Variants in SORT1 observed in about 807,000 individuals in gnomAD.
The protein encoded by SORT1 is sortilin 1.
A neutral mutation model predicts 101.7 loss-of-function variants in SORT1; 39 were observed. The ratio of observed to expected loss-of-function variants is 0.38; its 90% CI spans 0.30 to 0.50. The LOEUF is 0.50. SORT1 is among the 20% of genes least tolerant of loss of function. SORT1 has a pLI of 0.90. For missense variants in SORT1, 878 were observed against 1,040.4 expected (o/e 0.84, Z 2.15); for synonymous variants, 396 against 393.7 (o/e 1.01, Z -0.07).
chr1:109,321,562 G>A (rs946379279), intron 15 of SORT1, among the ~76,000 whole-genome samples: 1 of 152,142 alleles, frequency 6.6e-6, no homozygotes, highest in South Asian at 2.1e-4. Context: ...AACAGAGAAG[G>A]GAGGACCCTT....
chr1:109,345,820 A>G lies in SORT1; in HGVS notation c.894T>C (p.Thr298=). Residue 298 remains threonine, a synonymous_variant, in exon 8 of 20, where the codon ACT becomes ACC. Coordinates refer to ENST00000256637, the MANE Select transcript of SORT1 (RefSeq NM_002959.7). The part of the protein sequence containing the change: ...RTSDLGKSFK[T]IGVKIYSFGL... ...CAAATGAGTAGATTTTCACACCAAT[A>G]GTTTTGAAGCTTTTTCCCAAGTCTG... The G allele has an allele frequency of 6.2e-7, 1 of 1,613,662 alleles. No individual in the cohort carries two copies. The highest frequency in any genetic ancestry group is 1.3e-5 in the African/African-American group (1 of 75,034).
intron 1 of SORT1, among the ~76,000 whole-genome samples, chr1:109,390,073 A>G (rs1652807414): frequency 6.6e-6 from 1 of 152,214 alleles, no homozygotes; most frequent in South Asian, 2.1e-4. Context: ...ACCCTAAAAT[A>G]AAGTTTCTGT....
chr1:109,337,003 T>C (rs1188278489), intron 10 of SORT1, among the ~76,000 whole-genome samples: 1 of 152,128 alleles, frequency 6.6e-6, no homozygotes, highest in African/African-American at 2.4e-5. Context: ...CAGGAAGGCA[T>C]CCTAATCTTT....
intron 18 of SORT1, 95 bp from the exon 19 acceptor site, chr1:109,314,479 C>A: frequency 4.9e-6 from 7 of 1,427,518 alleles, no homozygotes. Context: ...CACTCAGGAA[C>A]GCATCACAGA....
intron 3 of SORT1, among the ~76,000 whole-genome samples, chr1:109,357,215 A>G (rs1020425155): frequency 3.9e-5 from 6 of 152,214 alleles, no homozygotes; most frequent in Non-Finnish European, 7.3e-5. Flanking sequence ...TGTGGTGTGT[A>G]GCAGGCTATA....
chr1:109,348,208 A>G (rs1278926398), intron 6 of SORT1, among the ~76,000 whole-genome samples: 1 of 152,132 alleles, frequency 6.6e-6, no homozygotes, highest in Non-Finnish European at 1.5e-5. Context: ...TTAAAATGTA[A>G]CCTGGAAAGG....
At chr1:109,390,168 C>G (rs548694174) in intron 1 of SORT1, among the ~76,000 whole-genome samples, 1 of 152,222 alleles carries the variant, frequency 6.6e-6, no homozygotes, top group Non-Finnish European at 1.5e-5. Flanking sequence ...CACTTTGATT[C>G]TCTCTTCAGC....
chr1:109,367,822 C>T (rs992380529), intron 2 of SORT1, among the ~76,000 whole-genome samples: 1 of 152,206 alleles, frequency 6.6e-6, no homozygotes, highest in Non-Finnish European at 1.5e-5. Flanking sequence ...TCTAGAATAG[C>T]GTGGGTGTTC....
chr1:109,397,873 G>A lies in SORT1; in HGVS notation c.20C>T (p.Ala7Val). The change falls in exon 1 of 20, where the codon GCT (alanine) becomes GTT (valine). Residue 7 changes from alanine to valine, a missense_variant. Around this residue, in one of 2 missense-constraint regions of SORT1, gnomAD observed 194 missense variants for 145.9 expected, o/e 1.33. Coordinates refer to ENST00000256637, the MANE Select transcript of SORT1 (RefSeq NM_002959.7). Reference protein sequence around the residue: MERPWGAADGLSRWPHG... With the variant: MERPWGVADGLSRWPHG... Reference sequence around the variant, plus strand: ...GGGCCAGCGCGAGAGGCCGTCCGCAGCTCCCCAGGGCCGCTCCATCGCCGC... The same window carrying A: ...GGGCCAGCGCGAGAGGCCGTCCGCAACTCCCCAGGGCCGCTCCATCGCCGC... The A allele has an allele frequency of 8.3e-7, 1 of 1,211,570 alleles. No homozygotes were observed. Among genetic ancestry groups the A allele is most frequent in the Non-Finnish European group, 1.0e-6 (1 of 970,758 alleles). 75.1% of individuals were successfully genotyped at this position (1,211,570 alleles called of 1,614,324 possible). A position where few individuals can be genotyped will look rare whatever the true frequency, so the allele number is the denominator to read the frequency against.
At chr1:109,330,424 A>T (rs200579779) in intron 11 of SORT1, among the ~76,000 whole-genome samples, 2 of 151,960 alleles carry the variant, frequency 1.3e-5, no homozygotes, top group South Asian at 2.1e-4. Flanking sequence ...AATAAAAAAA[A>T]CTTGAGACAA....
chr1:109,353,080 C>CT (rs1389493216), intron 5 of SORT1, among the ~76,000 whole-genome samples: 2 of 152,126 alleles, frequency 1.3e-5, no homozygotes, highest in African/African-American at 2.4e-5. Flanking sequence ...AATCCCAGCA[C>CT]TTTGGGAGGC....
Position 109,345,900 on chromosome 1 carries a change from T to C in SORT1, c.833-19A>G, listed in dbSNP as rs1243090904. ...TCAGCTTCTTAAACAAGACAAAATATTAATTAAAATTTCACTTACTGGTGA... is the reference window on the plus strand; with the variant it reads ...TCAGCTTCTTAAACAAGACAAAATACTAATTAAAATTTCACTTACTGGTGA... On this transcript the variant is annotated intron_variant, in intron 7 of 19. Transcript: ENST00000256637. The C allele has an allele frequency of 1.3e-6, 2 of 1,599,506 alleles. No individual in the cohort carries two copies. The highest frequency in any genetic ancestry group is 1.4e-5 in the African/African-American group (1 of 74,058).
chr1:109,351,383 G>A (rs1232716020), intron 5 of SORT1, among the ~76,000 whole-genome samples: 1 of 152,194 alleles, frequency 6.6e-6, no homozygotes, highest in African/African-American at 2.4e-5. Context: ...AGTGAGGAGA[G>A]GAGGAACATT....
At chr1:109,315,748 C>CTTTT (rs553898685) in intron 17 of SORT1, among the ~76,000 whole-genome samples, 5 of 124,710 alleles carry the variant, frequency 4.0e-5, no homozygotes, top group East Asian at 2.2e-4. Flanking sequence ...GCCTCATAAC[C>CTTTT]TTTTTTTTTT....
chr1:109,372,532 T>C (rs1651543534), intron 1 of SORT1, among the ~76,000 whole-genome samples: 1 of 152,114 alleles, frequency 6.6e-6, no homozygotes, highest in South Asian at 2.1e-4. Flanking sequence ...CATTTCTGGG[T>C]GGACTTCTGC....
intron 17 of SORT1, among the ~76,000 whole-genome samples, chr1:109,316,318 C>T (rs1388669147): frequency 6.6e-6 from 1 of 151,688 alleles, no homozygotes; most frequent in Admixed American, 6.6e-5. Context: ...CCCAGGTTCA[C>T]ATGATTCTCC....
intron 8 of SORT1, among the ~76,000 whole-genome samples, chr1:109,344,505 G>T (rs1039179630): frequency 1.3e-5 from 2 of 152,092 alleles, no homozygotes; most frequent in Non-Finnish European, 2.9e-5. Flanking sequence ...CAGTCTGAGG[G>T]TCTCTGCACT....
chr1:109,393,856 G>A (rs1414684695), intron 1 of SORT1, among the ~76,000 whole-genome samples: 3 of 151,572 alleles, frequency 2.0e-5, no homozygotes, highest in African/African-American at 7.3e-5. Context: ...CATATATTAT[G>A]TAATACAAAT....
intron 1 of SORT1, among the ~76,000 whole-genome samples, chr1:109,373,463 AATAATT>A (rs1651625148): frequency 1.3e-5 from 2 of 152,204 alleles, no homozygotes; most frequent in African/African-American, 4.8e-5. Flanking sequence ...AGGCCAGGGA[AATAATT>A]ACCTGAAAGG....
Sources: allele counts gnomAD v4.1 joint callset (sites outside exome capture counted in the v4.1 genomes callset), GRCh38; gene constraint gnomAD v4.1.1; regional missense constraint gnomAD v4.1.1; transcripts MANE v1.5; gene names NCBI Gene and HGNC (gene_info 2026-07-23, HGNC 2026-07-21).